Variants in SERGEF observed in about 807,000 individuals in gnomAD.
The protein encoded by SERGEF is secretion-regulating guanine nucleotide exchange factor.
A neutral mutation model predicts 50.0 loss-of-function variants in SERGEF; 51 were observed. That is an observed-to-expected ratio of 1.02 (90% CI 0.81 to 1.29). The LOEUF is 1.29. Among genes scored for constraint, SERGEF ranks in the 50% most tolerant of loss-of-function variants. The pLI is 0.00. For missense variants in SERGEF, 521 were observed against 557.0 expected, an observed-to-expected ratio of 0.94 and a Z score of 0.65; for synonymous variants, 205 against 212.4, an observed-to-expected ratio of 0.97 and a Z score of 0.30.
At position 17,788,386 on chromosome 11, in the gene SERGEF, T is replaced by C. The variant is rs750912928; in HGVS notation, c.1076A>G (p.Asn359Ser). 1 of 1,611,102 alleles carries C rather than the reference T, an allele frequency of 6.2e-7. No homozygotes were observed. The highest frequency in any genetic ancestry group is 8.5e-7 in the Non-Finnish European group (1 of 1,177,692). Reference protein sequence around the residue: ...IGGVCYSWGWNEHGMCGDGTE... With the variant: ...IGGVCYSWGWSEHGMCGDGTE... ...GCCATCTCCGCACATGCCATGCTCATTCCAGCCCCAAGAGTAACACACTCC... is the reference window on the plus strand; with the variant it reads ...GCCATCTCCGCACATGCCATGCTCACTCCAGCCCCAAGAGTAACACACTCC... Residue 359 changes from asparagine to serine, a missense_variant, in exon 11 of 11, where the codon AAT becomes AGT. Coordinates refer to ENST00000265965, the MANE Select transcript of SERGEF (RefSeq NM_012139.4).
intron 10 of SERGEF, among the ~76,000 whole-genome samples, chr11:17,807,208 A>C (rs555711464): frequency 6.6e-6 from 1 of 152,112 alleles, no homozygotes; most frequent in Non-Finnish European, 1.5e-5. Context: ...GGTTGCCTGG[A>C]ATGTCCGGAC....
chr11:17,967,561 A>G lies in SERGEF; in HGVS notation c.845-7925T>C, dbSNP rs76272593. On this transcript the variant is annotated intron_variant, in intron 8 of 10. Transcript: ENST00000265965. Reference sequence around the variant, plus strand: ...TCGGGGGCAGCAGTGATAGAAGTGAAGACAGACTGCACCCTGAGGAACACC... The same window carrying G: ...TCGGGGGCAGCAGTGATAGAAGTGAGGACAGACTGCACCCTGAGGAACACC... Among the ~76,000 whole-genome samples, 877 of 152,326 alleles carry G rather than the reference A, an allele frequency of 5.8e-3. 8 individuals carry two copies. The highest frequency in any genetic ancestry group is 0.02 in the African/African-American group (830 of 41,572).
At position 17,937,525 on chromosome 11, in the gene SERGEF, A is replaced by T. The variant is rs1319293701; in HGVS notation, c.1011+21945T>A. Reference sequence around the variant, plus strand: ...GGACTCCAGTCTGGGTGACAGAGAAAGACCTTCCCTCAAAAATAATAATAA... The same window carrying T: ...GGACTCCAGTCTGGGTGACAGAGAATGACCTTCCCTCAAAAATAATAATAA... On this transcript the variant is annotated intron_variant, in intron 9 of 10. Transcript: ENST00000265965. Among the ~76,000 whole-genome samples the T allele has an allele frequency of 2.6e-5, 4 of 152,270 alleles. No individual in the cohort carries two copies. The East Asian group carries it at 5.8e-4, about 22-fold the overall frequency.
intron 10 of SERGEF, among the ~76,000 whole-genome samples, chr11:17,821,530 TA>T (rs1466325821): frequency 1.5e-4 from 23 of 152,264 alleles, no homozygotes; most frequent in African/African-American, 5.5e-4. Flanking sequence ...ATAAATGAAT[TA>T]ATTGCAGTTC....
chr11:17,948,759 T>C (rs2133962233), intron 9 of SERGEF, among the ~76,000 whole-genome samples: 1 of 152,316 alleles, frequency 6.6e-6, no homozygotes, highest in Non-Finnish European at 1.5e-5. Context: ...ACCTCCTACT[T>C]TGCTTTCCAC....
chr11:17,930,103 C>T (rs182575148), intron 9 of SERGEF, among the ~76,000 whole-genome samples: 1 of 152,210 alleles, frequency 6.6e-6, no homozygotes, highest in Non-Finnish European at 1.5e-5. Context: ...AGCTGTACCA[C>T]TCATTAGCTA....
At chr11:17,905,651 G>A (rs1851826332) in intron 9 of SERGEF, among the ~76,000 whole-genome samples, 1 of 152,134 alleles carries the variant, frequency 6.6e-6, no homozygotes. Flanking sequence ...AGGAGTCAGA[G>A]GTGACAGGAG....
rs145461654 is a variant in SERGEF, at chr11:17,907,936, C to A, written c.1012-29692G>T. Among the ~76,000 whole-genome samples the A allele has an allele frequency of 2.3e-3, 351 of 152,284 alleles. 1 individual carries two copies. Among genetic ancestry groups the A allele is most frequent in the African/African-American group, 8.1e-3 (338 of 41,556 alleles). Reference sequence around the variant, plus strand: ...TAGCATGCATCCTCAACTCCATGGGCAGCTAATCAGCTACTAGTCCTAGAA... The same window carrying A: ...TAGCATGCATCCTCAACTCCATGGGAAGCTAATCAGCTACTAGTCCTAGAA... On this transcript the variant is annotated intron_variant, in intron 9 of 10. Transcript: ENST00000265965.
chr11:17,960,153 C>G (rs999113864), intron 8 of SERGEF, among the ~76,000 whole-genome samples: 1 of 152,120 alleles, frequency 6.6e-6, no homozygotes, highest in African/African-American at 2.4e-5. Flanking sequence ...ATAAAGGGAC[C>G]TTTCAGAATC....
chr11:17,986,396 G>T (rs1314581788), intron 8 of SERGEF, among the ~76,000 whole-genome samples: 1 of 152,190 alleles, frequency 6.6e-6, no homozygotes, highest in Non-Finnish European at 1.5e-5. Context: ...GGAGAAAGTG[G>T]CAATGTACAA....
chr11:17,879,980 T>C (rs1851308734), intron 9 of SERGEF, among the ~76,000 whole-genome samples: 1 of 152,248 alleles, frequency 6.6e-6, no homozygotes, highest in African/African-American at 2.4e-5. Flanking sequence ...TAATATTCAA[T>C]GGTTCTTAGC....
At chr11:17,973,582 T>C (rs779199847) in intron 8 of SERGEF, among the ~76,000 whole-genome samples, 1 of 152,094 alleles carries the variant, frequency 6.6e-6, no homozygotes, top group Non-Finnish European at 1.5e-5. Flanking sequence ...GGATGCCAAT[T>C]TGTGGTCAAC....
At chr11:17,821,110 G>C (rs1309770425) in intron 10 of SERGEF, among the ~76,000 whole-genome samples, 1 of 152,192 alleles carries the variant, frequency 6.6e-6, no homozygotes, top group African/African-American at 2.4e-5. Flanking sequence ...GCCAAGGAAT[G>C]CCTGGAAACA....
In SERGEF at chr11:17,945,590, T is replaced by C. The variant is rs578255445; in HGVS notation, c.1011+13880A>G. The stretch of plus-strand genomic sequence containing the variant: ...AGTTCTACTGGACAGCACTGATCCA[T>C]ACAATTTTATACTATGCATTCTCTT... On this transcript the variant is annotated intron_variant, in intron 9 of 10. Coordinates refer to ENST00000265965, the MANE Select transcript of SERGEF (RefSeq NM_012139.4). Among the ~76,000 whole-genome samples the C allele has an allele frequency of 4.9e-4, 75 of 152,348 alleles. 1 individual carries two copies. The South Asian group carries it at 0.015, about 31-fold the overall frequency.
At chr11:17,892,875 A>G (rs1851558534) in intron 9 of SERGEF, among the ~76,000 whole-genome samples, 1 of 152,208 alleles carries the variant, frequency 6.6e-6, no homozygotes, top group Non-Finnish European at 1.5e-5. Context: ...CATATTAGAA[A>G]GGACTCTATT....
At chr11:17,824,844 C>T (rs1348411066) in intron 10 of SERGEF, among the ~76,000 whole-genome samples, 1 of 152,320 alleles carries the variant, frequency 6.6e-6, no homozygotes, top group South Asian at 2.1e-4. Context: ...AATACAGTCA[C>T]ATTGGGGGTT....
At chr11:17,915,568 G>C (rs115876608) in intron 9 of SERGEF, among the ~76,000 whole-genome samples, 1,934 of 152,200 alleles carry the variant, frequency 0.013, 44 homozygotes, top group African/African-American at 0.045. Flanking sequence ...CATTAACTCA[G>C]CTGACCCAAA....
intron 10 of SERGEF, among the ~76,000 whole-genome samples, chr11:17,809,004 C>A (rs141761573): frequency 6.5e-4 from 99 of 152,328 alleles, no homozygotes; most frequent in African/African-American, 2.2e-3. Context: ...GGGCTAAACC[C>A]GGTCTTTCCA....
chr11:17,894,348 T>C (rs1851584460), intron 9 of SERGEF, among the ~76,000 whole-genome samples: 1 of 152,224 alleles, frequency 6.6e-6, no homozygotes, highest in Non-Finnish European at 1.5e-5. Context: ...TAGGTACTTT[T>C]GGTGGATTAA....
Sources: gnomAD v4.1 joint callset for allele counts (sites outside exome capture counted in the v4.1 genomes callset) on GRCh38, gnomAD v4.1.1 for gene constraint, MANE v1.5 for transcripts, NCBI Gene and HGNC (gene_info 2026-07-23, HGNC 2026-07-21) for gene names.